DLG2: variants seen among roughly 807,000 people sequenced by gnomAD.
DLG2 encodes the protein discs large MAGUK scaffold protein 2.
Under a neutral mutation model 132.5 loss-of-function variants are expected in DLG2, and 45 were observed. The ratio of observed to expected loss-of-function variants is 0.34; its 90% CI spans 0.27 to 0.44. The LOEUF is 0.44. Among genes scored for constraint, DLG2 ranks in the 20% least tolerant of loss-of-function variants. The probability of loss-of-function intolerance (pLI) is 1.00; values close to 1 mark genes in which losing one functional copy is unlikely to be tolerated. For missense variants in DLG2, 1,045 were observed against 1,196.9 expected (o/e 0.87, Z 1.87); for synonymous variants, 424 against 419.6 (o/e 1.01, Z -0.13).
chr11:83,921,606 A>C (rs764004200), intron 15 of DLG2, among the ~76,000 whole-genome samples: 11 of 152,160 alleles, frequency 7.2e-5, no homozygotes, highest in Admixed American at 1.3e-4. Context: ...TAACGTTACT[A>C]TCTTGATTCT....
chr11:83,613,194 G>A (rs1187464200), intron 19 of DLG2, among the ~76,000 whole-genome samples: 2 of 152,164 alleles, frequency 1.3e-5, no homozygotes, highest in Non-Finnish European at 2.9e-5. Context: ...GGGGAGTGAG[G>A]AGCAGTGTAC....
At chr11:84,442,587 A>T (rs1285020938) in intron 7 of DLG2, among the ~76,000 whole-genome samples, 1 of 152,094 alleles carries the variant, frequency 6.6e-6, no homozygotes, top group Admixed American at 6.6e-5. Context: ...GTAGATGACA[A>T]GTTGATGGGT....
intron 6 of DLG2, among the ~76,000 whole-genome samples, chr11:85,070,171 G>C (rs889170839): frequency 6.6e-6 from 1 of 151,936 alleles, no homozygotes; most frequent in Non-Finnish European, 1.5e-5. Context: ...GTGGAGAGGG[G>C]AGGGATAGCA....
At chr11:84,774,843 A>G (rs776038070) in intron 6 of DLG2, among the ~76,000 whole-genome samples, 5 of 152,100 alleles carry the variant, frequency 3.3e-5, no homozygotes, top group Admixed American at 6.6e-5. Flanking sequence ...TAAATAAAAC[A>G]TAGGAAGCAC....
intron 6 of DLG2, among the ~76,000 whole-genome samples, chr11:84,795,867 A>C (rs2074521382): frequency 6.6e-6 from 1 of 152,038 alleles, no homozygotes; most frequent in Non-Finnish European, 1.5e-5. Context: ...CACCTGGTTC[A>C]ACCACAGGCT....
intron 7 of DLG2, among the ~76,000 whole-genome samples, chr11:84,464,313 G>T (rs2099088320): frequency 6.6e-6 from 1 of 151,180 alleles, no homozygotes. Flanking sequence ...CAGGGATAAA[G>T]AGGAGGCAAC....
At chr11:84,584,760 C>A (rs992052666) in intron 6 of DLG2, among the ~76,000 whole-genome samples, 3 of 130,306 alleles carry the variant, frequency 2.3e-5, no homozygotes, top group Admixed American at 9.2e-5. Flanking sequence ...GGGATCTGGG[C>A]TCACTGCAAG....
At chr11:84,889,728 G>C (rs1470932136) in intron 6 of DLG2, among the ~76,000 whole-genome samples, 2 of 151,990 alleles carry the variant, frequency 1.3e-5, no homozygotes, top group African/African-American at 4.8e-5. Context: ...GGTCTTCCAA[G>C]GCAAAGCCCT....
chr11:83,578,194 T>A (rs941437738), intron 19 of DLG2, among the ~76,000 whole-genome samples: 11 of 151,218 alleles, frequency 7.3e-5, no homozygotes, highest in Non-Finnish European at 1.6e-4. Flanking sequence ...ATATTGATAG[T>A]AATGCTAGAA....
intron 3 of DLG2, among the ~76,000 whole-genome samples, chr11:85,293,479 C>T (rs1280238345): frequency 6.6e-6 from 1 of 152,078 alleles, no homozygotes; most frequent in Non-Finnish European, 1.5e-5. Context: ...TTATCAAATA[C>T]CAAGAAGAAC....
chr11:85,128,881 A>G (rs1000506145), intron 5 of DLG2, among the ~76,000 whole-genome samples: 8 of 152,182 alleles, frequency 5.3e-5, no homozygotes, highest in Non-Finnish European at 1.0e-4. Flanking sequence ...TGCTGAATAA[A>G]TTATACTATA....
At chr11:84,239,559 A>G (rs1239953828) in intron 8 of DLG2, among the ~76,000 whole-genome samples, 3 of 152,164 alleles carry the variant, frequency 2.0e-5, no homozygotes, top group African/African-American at 4.8e-5. Flanking sequence ...ATAGAGAGGA[A>G]TATGGTAAAT....
chr11:84,595,014 T>A (rs1940077), intron 6 of DLG2, among the ~76,000 whole-genome samples: 13,557 of 152,224 alleles, frequency 0.089, 691 homozygotes, highest in South Asian at 0.19. Flanking sequence ...AAAAAGTAGA[T>A]CACAAAATGT....
In DLG2 at chr11:84,971,907, T is replaced by C. The variant is rs1347638244; in HGVS notation, c.357+139754A>G. Among the ~76,000 whole-genome samples, 3 of 152,064 alleles carry C rather than the reference T, an allele frequency of 2.0e-5. No individual in the cohort carries two copies. In the East Asian group the frequency reaches 5.8e-4, roughly 29 times the overall value. On this transcript the variant is annotated intron_variant, in intron 6 of 27. Transcript: ENST00000376104. The stretch of plus-strand genomic sequence containing the variant: ...GAGGGAATGTCTACTAGAGAGAAAA[T>C]AAAATCCCCAAAGAACCAAGGGAGA...
chr11:83,589,341 T>C (rs1253273103), intron 19 of DLG2, among the ~76,000 whole-genome samples: 2 of 146,230 alleles, frequency 1.4e-5, no homozygotes, highest in Admixed American at 6.8e-5. Context: ...ATATTCAACA[T>C]TCTTAAAGAA....
chr11:84,330,447 A>G (rs973862638), intron 7 of DLG2, among the ~76,000 whole-genome samples: 24 of 152,330 alleles, frequency 1.6e-4, no homozygotes, highest in African/African-American at 5.5e-4. Flanking sequence ...AATTTAAGAT[A>G]TAGAAATAGG....
At chr11:85,321,449 T>A (rs1267809767) in intron 3 of DLG2, among the ~76,000 whole-genome samples, 1 of 152,024 alleles carries the variant, frequency 6.6e-6, no homozygotes, top group Non-Finnish European at 1.5e-5. Context: ...AGATTGCATT[T>A]AAGTCACAAA....
At chr11:85,420,662 T>A (rs1398114796) in intron 3 of DLG2, among the ~76,000 whole-genome samples, 1 of 152,244 alleles carries the variant, frequency 6.6e-6, no homozygotes, top group Non-Finnish European at 1.5e-5. Context: ...GCACTCTGGC[T>A]ACAGTGGCTT....
intron 16 of DLG2, among the ~76,000 whole-genome samples, chr11:83,845,119 G>C (rs538654439): frequency 6.6e-6 from 1 of 151,872 alleles, no homozygotes; most frequent in Admixed American, 6.6e-5. Context: ...ACCCAAAAAG[G>C]GTCTATTACC....
Sources: gnomAD v4.1 joint callset for allele counts (sites outside exome capture counted in the v4.1 genomes callset) on GRCh38, gnomAD v4.1.1 for gene constraint, MANE v1.5 for transcripts, NCBI Gene and HGNC (gene_info 2026-07-23, HGNC 2026-07-21) for gene names.